Variants in FHOD3 observed in about 807,000 individuals in gnomAD.
The protein encoded by FHOD3 is FH1/FH2 domain-containing protein 3.
Under a neutral mutation model 173.0 loss-of-function variants are expected in FHOD3, and 90 were observed. The observed-to-expected ratio is 0.52, with a 90% CI of 0.44 to 0.62. The LOEUF (loss-of-function observed/expected upper bound fraction) is 0.62. Among genes scored for constraint, FHOD3 ranks in the 20% least tolerant of loss-of-function variants. The pLI is 0.00. For missense variants in FHOD3, 1,945 were observed against 2,034.7 expected, an observed-to-expected ratio of 0.96 and a Z score of 0.85; for synonymous variants, 828 against 823.0, an observed-to-expected ratio of 1.01 and a Z score of -0.10.
chr18:36,372,542 A>T lies in FHOD3; in HGVS notation c.273-138A>T, dbSNP rs563828561. On this transcript the variant is annotated intron_variant, in intron 2 of 28. Transcript: ENST00000590592. ...TGATGTCAACATTATTTCAGGATAG[A>T]TTCTTATTCAGTGTGGGTCTCTGCT... 13 of 585,444 alleles carry T rather than the reference A, an allele frequency of 2.2e-5. No individual in the cohort carries two copies. The East Asian group carries it at 3.3e-4, about 15-fold the overall frequency. 36.3% of individuals were successfully genotyped at this position (585,444 alleles called of 1,614,324 possible).
intron 12 of FHOD3, among the ~76,000 whole-genome samples, chr18:36,653,136 G>T (rs923257455): frequency 2.0e-5 from 3 of 152,196 alleles, no homozygotes; most frequent in Non-Finnish European, 4.4e-5. Context: ...ATTGTCATCT[G>T]TTTGAATTAA....
At chr18:36,383,061 A>G (rs2047870228) in intron 3 of FHOD3, among the ~76,000 whole-genome samples, 1 of 152,058 alleles carries the variant, frequency 6.6e-6, no homozygotes, top group South Asian at 2.1e-4. Context: ...GCCCTGTCTG[A>G]TTATTAACAG....
chr18:36,442,451 C>A (rs1413383787), intron 3 of FHOD3, among the ~76,000 whole-genome samples: 1 of 152,090 alleles, frequency 6.6e-6, no homozygotes, highest in African/African-American at 2.4e-5. Context: ...AAGATATTGG[C>A]ATTTGGACTT....
rs2040037351 is a variant in FHOD3 at position 36,709,204 on chromosome 18, T to C, written c.2346T>C (p.Gly782=). Residue 782 remains glycine (G), a synonymous_variant, in exon 18 of 29, where the codon GGT becomes GGC. Transcript: ENST00000590592. The stretch of plus-strand genomic sequence containing the variant: ...AGGACATAGCCTCTGCCCACGAGGG[T>C]GCAGAGACTGAAGTGGAGCAGGCAC... ...AGQDIASAHE[G]AETEVEQALE... is the part of the protein sequence containing the mutation. 1 of 1,613,944 alleles carries C rather than the reference T, an allele frequency of 6.2e-7. No individual in the cohort carries two copies. Among genetic ancestry groups the C allele is most frequent in the Non-Finnish European group, 8.5e-7 (1 of 1,180,006 alleles).
intron 28 of FHOD3, among the ~76,000 whole-genome samples, chr18:36,772,422 A>G (rs2043426707): frequency 6.6e-6 from 1 of 152,252 alleles, no homozygotes; most frequent in Non-Finnish European, 1.5e-5. Flanking sequence ...TGATTTGTTT[A>G]ATGATGGCAA....
chr18:36,751,849 T>A (rs1302904900), intron 24 of FHOD3, among the ~76,000 whole-genome samples: 1 of 152,090 alleles, frequency 6.6e-6, no homozygotes, highest in Non-Finnish European at 1.5e-5. Flanking sequence ...TAGGCTACAG[T>A]TGCACTGTGA....
intron 21 of FHOD3, among the ~76,000 whole-genome samples, chr18:36,741,641 T>A (rs548028671): frequency 6.6e-6 from 1 of 152,102 alleles, no homozygotes; most frequent in South Asian, 2.1e-4. Flanking sequence ...TGTTGTGGCA[T>A]GTACTTGTAG....
At chr18:36,369,761 T>G (rs2047086489) in intron 2 of FHOD3, among the ~76,000 whole-genome samples, 1 of 152,190 alleles carries the variant, frequency 6.6e-6, no homozygotes. Flanking sequence ...AGATTTTCAG[T>G]GTGTCTTTTT....
At chr18:36,470,862 A>G (rs2053243044) in intron 3 of FHOD3, among the ~76,000 whole-genome samples, 1 of 152,240 alleles carries the variant, frequency 6.6e-6, no homozygotes, top group South Asian at 2.1e-4. Flanking sequence ...GGTGGCAGCA[A>G]TGGTGAGTTA....
chr18:36,351,363 G>A (rs989586163), intron 1 of FHOD3, among the ~76,000 whole-genome samples: 7 of 152,128 alleles, frequency 4.6e-5, no homozygotes, highest in African/African-American at 1.7e-4. Context: ...CCTGGAGGGG[G>A]GACTCGGGCA....
intron 3 of FHOD3, among the ~76,000 whole-genome samples, chr18:36,467,641 C>A (rs1027989555): frequency 6.6e-6 from 1 of 152,160 alleles, no homozygotes; most frequent in Non-Finnish European, 1.5e-5. Context: ...AGCTTTCTAA[C>A]CTCATTTGCT....
intron 6 of FHOD3, 139 bp from the exon 7 acceptor site, chr18:36,594,648 A>G (rs2029997902): frequency 1.6e-6 from 1 of 614,052 alleles, no homozygotes; most frequent in Non-Finnish European, 3.0e-6. Context: ...AGGGATTGTG[A>G]GGATCTGTGA....
At chr18:36,679,754 T>C (rs1031744022) in intron 14 of FHOD3, among the ~76,000 whole-genome samples, 2 of 152,216 alleles carry the variant, frequency 1.3e-5, no homozygotes, top group African/African-American at 4.8e-5. Flanking sequence ...AGGTAGCTCG[T>C]GTGAAACCAG....
Position 36,436,214 on chromosome 18 carries a change from G to A in FHOD3, c.337+63470G>A, listed in dbSNP as rs186135928. On this transcript the variant is annotated intron_variant, in intron 3 of 28. Transcript: ENST00000590592. ...CTGTGGAAAATAAACTGTGAAATAA[G>A]TTCTTAGCATTTCTTGAAGGCAAGG... Among the ~76,000 whole-genome samples the A allele has an allele frequency of 4.6e-5, 7 of 152,228 alleles. No individual in the cohort carries two copies. In the East Asian group the frequency reaches 1.2e-3, roughly 25 times the overall value.
At chr18:36,497,337 T>C (rs901279635) in intron 3 of FHOD3, among the ~76,000 whole-genome samples, 15 of 152,332 alleles carry the variant, frequency 9.8e-5, no homozygotes, top group African/African-American at 3.6e-4. Flanking sequence ...TCAAAGAGTT[T>C]GAGATGGCGT....
intron 22 of FHOD3, among the ~76,000 whole-genome samples, chr18:36,743,777 C>T (rs566787142): frequency 6.6e-6 from 1 of 152,336 alleles, no homozygotes; most frequent in South Asian, 2.1e-4. Flanking sequence ...CCCAGCCCCA[C>T]AGCACCCTGA....
rs192274758 is a variant in FHOD3, at chr18:36,327,824, A to G, written c.166-27715A>G. 1.9e-3 allele frequency among the ~76,000 whole-genome samples: 286 copies of G among 152,342 alleles called. 4 individuals are homozygous for G. Among genetic ancestry groups the G allele is most frequent in the Non-Finnish European group, 3.8e-4 (26 of 68,036 alleles). ...TAGTATTTTAGGCTTTGTGGACCAT[A>G]CAGTCTCTGTGGCAATGACTCAACT... On this transcript the variant is annotated intron_variant, in intron 1 of 28. Transcript: ENST00000590592.
chr18:36,299,846 C>T (rs2091912620), intron 1 of FHOD3, among the ~76,000 whole-genome samples: 1 of 152,188 alleles, frequency 6.6e-6, no homozygotes, highest in African/African-American at 2.4e-5. Flanking sequence ...CCGAAGACCC[C>T]TGCAGTATAT....
intron 14 of FHOD3, among the ~76,000 whole-genome samples, chr18:36,663,409 C>G (rs781378265): frequency 3.3e-5 from 5 of 152,244 alleles, no homozygotes; most frequent in Non-Finnish European, 7.3e-5. Flanking sequence ...GCTGACCTCT[C>G]AGGAGCTCTC....
Sources: gnomAD v4.1 joint callset for allele counts (sites outside exome capture counted in the v4.1 genomes callset) on GRCh38, gnomAD v4.1.1 for gene constraint, MANE v1.5 for transcripts, NCBI Gene and HGNC (gene_info 2026-07-23, HGNC 2026-07-21) for gene names.